Variants in CNNM2 observed in about 807,000 individuals in gnomAD.
CNNM2 encodes cyclin and CBS domain divalent metal cation transport mediator 2.
CNNM2 carries 12 observed loss-of-function variants against 66.9 expected under a neutral mutation model. That is an observed-to-expected ratio of 0.18 (90% CI 0.11 to 0.29). The LOEUF is 0.29. Ranked by LOEUF, CNNM2 falls within the 10% of genes least tolerant of loss-of-function variation. CNNM2 has a pLI of 1.00. For synonymous variants in CNNM2, 557 were observed against 501.8 expected, an observed-to-expected ratio of 1.11 and a Z score of -1.47; for missense variants, 705 against 1,167.7, an observed-to-expected ratio of 0.60 and a Z score of 5.77.
rs762054179 is a variant in CNNM2 at position 102,919,103 on chromosome 10, CGGGTGGCGCCGTCGGGGGCAA to C, written c.631_651del (p.Ala211_Gly217del). 1 of 1,610,908 alleles carries C rather than the reference CGGGTGGCGCCGTCGGGGGCAA, an allele frequency of 6.2e-7. No homozygotes were observed. On this transcript the variant is annotated inframe_deletion, in exon 1 of 8. Transcript: ENST00000369878. ...CTGGGCGCCGGCGGCTCGGGGTCCACGGGTGGCGCCGTCGGGGGCAAGGGTGGCTCGGGGGTGGCCGGGCTC... is the reference window on the plus strand; with the variant it reads ...CTGGGCGCCGGCGGCTCGGGGTCCACGGGTGGCTCGGGGGTGGCCGGGCTC...
intron 4 of CNNM2, among the ~76,000 whole-genome samples, chr10:103,060,749 C>A (rs192326774): frequency 3.3e-5 from 5 of 151,962 alleles, no homozygotes; most frequent in African/African-American, 1.2e-4. Flanking sequence ...CTGGTAACAA[C>A]GAGTCTCTAA....
rs191126302 is a variant in CNNM2, at chr10:103,035,070, A to G, written c.1622-14637A>G. 1.3e-3 allele frequency among the ~76,000 whole-genome samples: 190 copies of G among 151,952 alleles called. 1 individual carries two copies. Among genetic ancestry groups the G allele is most frequent in the African/African-American group, 4.2e-3 (176 of 41,460 alleles). On this transcript the variant is annotated intron_variant, in intron 1 of 7. Coordinates refer to ENST00000369878, the MANE Select transcript of CNNM2 (RefSeq NM_017649.5). ...GAGGCTGAGGTGGAAGGATCACTTG[A>G]GTCCAGGAATTCGAGACCAGTCTGG...
In CNNM2 at chr10:103,015,505, TA is replaced by T. The variant is rs143761578; in HGVS notation, c.1622-34200del. Among the ~76,000 whole-genome samples, 618 of 152,308 alleles carry T rather than the reference TA, an allele frequency of 4.1e-3. 18 individuals carry two copies. The East Asian group carries it at 0.072, about 18-fold the overall frequency. On this transcript the variant is annotated intron_variant, in intron 1 of 7. Coordinates refer to ENST00000369878, the MANE Select transcript of CNNM2 (RefSeq NM_017649.5). Reference sequence around the variant, plus strand: ...AATTATTGGAAACTCATGTATGTCATAATTCCATACCGAGGACCATCTCTAG... The same window carrying T: ...AATTATTGGAAACTCATGTATGTCATATTCCATACCGAGGACCATCTCTAG...
intron 1 of CNNM2, among the ~76,000 whole-genome samples, chr10:103,010,422 G>C (rs1054428785): frequency 9.9e-5 from 15 of 151,882 alleles, no homozygotes; most frequent in African/African-American, 3.6e-4. Context: ...TAGAGATGGG[G>C]TTTCGCCATG....
rs192688352 is a variant in CNNM2 at position 102,920,493 on chromosome 10, G to A, written c.1621+392G>A. On this transcript the variant is annotated intron_variant, in intron 1 of 7. Coordinates refer to ENST00000369878, the MANE Select transcript of CNNM2 (RefSeq NM_017649.5). ...GGGCTGGCTGATGCCATGCCATTTG[G>A]TGGACTTTAATCACAGGCATTTGGA... 1.9e-3 allele frequency among the ~76,000 whole-genome samples: 290 copies of A among 152,216 alleles called. 2 individuals are homozygous for A. Among genetic ancestry groups the A allele is most frequent in the African/African-American group, 6.7e-3 (278 of 41,530 alleles).
intron 1 of CNNM2, among the ~76,000 whole-genome samples, chr10:103,018,504 T>C (rs1018636026): frequency 1.3e-5 from 2 of 151,848 alleles, no homozygotes; most frequent in Non-Finnish European, 2.9e-5. Context: ...TGAGACAAAA[T>C]GAGATCATTA....
intron 4 of CNNM2, among the ~76,000 whole-genome samples, chr10:103,067,530 A>G (rs2065500701): frequency 6.6e-6 from 1 of 152,204 alleles, no homozygotes; most frequent in East Asian, 1.9e-4. Flanking sequence ...AATACATGGC[A>G]TCTTAATTTT....
chr10:102,993,361 A>T (rs1001223548), intron 1 of CNNM2, among the ~76,000 whole-genome samples: 1 of 152,238 alleles, frequency 6.6e-6, no homozygotes, highest in African/African-American at 2.4e-5. Context: ...TGTGGGAAGA[A>T]GATTAAGACT....
At chr10:102,991,179 G>A (rs1273454410) in intron 1 of CNNM2, among the ~76,000 whole-genome samples, 1 of 152,036 alleles carries the variant, frequency 6.6e-6, no homozygotes, top group Non-Finnish European at 1.5e-5. Flanking sequence ...GTAGAGACGA[G>A]GTTTCACCAT....
At chr10:103,008,599 C>T (rs1408395547) in intron 1 of CNNM2, among the ~76,000 whole-genome samples, 1 of 151,466 alleles carries the variant, frequency 6.6e-6, no homozygotes, top group Non-Finnish European at 1.5e-5. Context: ...GCCAACATGG[C>T]AAAACTGTAT....
chr10:103,055,169 C>G (rs2065276469), intron 3 of CNNM2, among the ~76,000 whole-genome samples: 1 of 152,192 alleles, frequency 6.6e-6, no homozygotes, highest in Non-Finnish European at 1.5e-5. Flanking sequence ...ACCCTTCTCC[C>G]ATCCCCAGAT....
At chr10:102,941,753 G>A (rs1401260451) in intron 1 of CNNM2, among the ~76,000 whole-genome samples, 1 of 152,050 alleles carries the variant, frequency 6.6e-6, no homozygotes, top group Non-Finnish European at 1.5e-5. Context: ...TTTCTCCTTA[G>A]CCCTCTACTG....
Position 103,080,441 on chromosome 10 carries a change from C to T in CNNM2, c.*3261C>T, listed in dbSNP as rs923112504. 2.6e-5 allele frequency: 4 copies of T among 152,210 alleles called. No homozygotes were observed. Among genetic ancestry groups the T allele is most frequent in the African/African-American group, 9.7e-5 (4 of 41,450 alleles). The allele number at this position is 152,210 out of a possible 1,614,324, so 9.4% of individuals were successfully genotyped here. A position where few individuals can be genotyped will look rare whatever the true frequency, so the allele number is the denominator to read the frequency against. ...GGAAAACAAAATCTTAAGACTTACA[C>T]AGATATCGGGGTGCTAATCAACTGG... is the stretch of plus-strand genomic sequence containing the variant. On this transcript the variant is annotated 3_prime_UTR_variant, in exon 8 of 8. Transcript: ENST00000369878.
In CNNM2 at chr10:103,088,346, C is replaced by A. The variant is rs1590540948; in HGVS notation, c.*11166C>A. The A allele has an allele frequency of 6.6e-6, 1 of 152,222 alleles. No homozygotes were observed. 9.4% of individuals were successfully genotyped at this position (152,222 alleles called of 1,614,324 possible). ...TACCCTAACATACACAGTAATGATT[C>A]ATTCTTGTTTAAAACAAGAGGTGAT... On this transcript the variant is annotated 3_prime_UTR_variant, in exon 8 of 8. Coordinates refer to ENST00000369878, the MANE Select transcript of CNNM2 (RefSeq NM_017649.5).
intron 4 of CNNM2, among the ~76,000 whole-genome samples, chr10:103,060,701 A>G (rs971692640): frequency 1.3e-5 from 2 of 152,264 alleles, no homozygotes; most frequent in Admixed American, 6.5e-5. Context: ...GAAACATGCA[A>G]ATCTACATGA....
intron 1 of CNNM2, among the ~76,000 whole-genome samples, chr10:103,024,133 G>A (rs562370485): frequency 1.3e-5 from 2 of 152,044 alleles, no homozygotes; most frequent in Non-Finnish European, 2.9e-5. Flanking sequence ...CAAGATTTTT[G>A]CATTGCATTG....
chr10:102,960,964 GCTCACTCCAAC>G (rs1272261353), intron 1 of CNNM2, among the ~76,000 whole-genome samples: 1 of 151,318 alleles, frequency 6.6e-6, no homozygotes, highest in Non-Finnish European at 1.5e-5. Flanking sequence ...TGAGATCTTG[GCTCACTCCAAC>G]CTCCGGTTTC....
chr10:103,057,889 T>G, intron 4 of CNNM2, among the ~76,000 whole-genome samples: 1 of 152,240 alleles, frequency 6.6e-6, no homozygotes, highest in Non-Finnish European at 1.5e-5. Flanking sequence ...TTCCTTTGAG[T>G]GGCTTTGGTG....
At position 103,078,383 on chromosome 10, in the gene CNNM2, C is replaced by T. The variant is rs1197663729; in HGVS notation, c.*1203C>T. On this transcript the variant is annotated 3_prime_UTR_variant, in exon 8 of 8. Transcript: ENST00000369878. ...GGCCCGGCAGTGGCTGTGTCCCCTG[C>T]CTGAGGGCTCTGTGCCTCCTGCCTC... is the stretch of plus-strand genomic sequence containing the variant. The T allele has an allele frequency of 1.3e-5, 2 of 152,196 alleles. No homozygotes were observed. The highest frequency in any genetic ancestry group is 2.9e-5 in the Non-Finnish European group (2 of 67,986). The allele number at this position is 152,196 out of a possible 1,614,324, so 9.4% of individuals were successfully genotyped here.
Sources: gnomAD v4.1 joint callset for allele counts (sites outside exome capture counted in the v4.1 genomes callset) on GRCh38, gnomAD v4.1.1 for gene constraint, MANE v1.5 for transcripts, NCBI Gene and HGNC (gene_info 2026-07-23, HGNC 2026-07-21) for gene names.